The following SRI variants were observed in gnomAD, a reference collection of about 807,000 sequenced individuals.
SRI encodes the protein 22 kDa protein.
SRI carries 30 observed loss-of-function variants against 33.3 expected under a neutral mutation model. The observed-to-expected ratio is 0.90, with a 90% CI of 0.67 to 1.22. SRI has a LOEUF of 1.22. SRI is among the 50% of genes most tolerant of loss of function. The pLI is 0.00. For synonymous variants in SRI, 75 were observed against 89.9 expected, an observed-to-expected ratio of 0.83 and a Z score of 0.94; for missense variants, 243 against 250.8, an observed-to-expected ratio of 0.97 and a Z score of 0.21.
At chr7:88,208,597 T>C (rs768676437) in intron 6 of SRI, 32 bp from the exon 7 acceptor site, 9 of 1,612,762 alleles carry the variant, frequency 5.6e-6, no homozygotes, top group African/African-American at 1.3e-5. Context: ...TTTATGGTTT[T>C]TCTTTAAATG....
chr7:88,206,971 C>G (rs976325131), intron 7 of SRI, among the ~76,000 whole-genome samples: 3 of 152,124 alleles, frequency 2.0e-5, no homozygotes, highest in African/African-American at 7.2e-5. Context: ...CAAATTGTAG[C>G]ATGCAAGTGT....
At position 88,220,011 on chromosome 7, in the gene SRI, GC is replaced by G. The variant is rs891868394; in HGVS notation, c.15del (p.His6IlefsTer37). The G allele has an allele frequency of 1.2e-5, 18 of 1,534,364 alleles. No individual in the cohort carries two copies. The African/African-American group carries it at 2.2e-4, about 19-fold the overall frequency. MAYP[G>X]HPGAGGGYYP... ...TAGTACCCGCCGCCGGCGCCAGGAT[GC>G]CCCGGGTACGCCATGCTGCAGACTG... On this transcript the variant is annotated frameshift_variant, in exon 1 of 8. Transcript: ENST00000265729. LOFTEE classifies it high-confidence loss of function.
At chr7:88,206,984 G>A (rs189239897) in intron 7 of SRI, among the ~76,000 whole-genome samples, 1 of 152,168 alleles carries the variant, frequency 6.6e-6, no homozygotes, top group Non-Finnish European at 1.5e-5. Flanking sequence ...GCAAGTGTAT[G>A]TATGCACAGA....
rs1467418970 is a variant in SRI, at chr7:88,210,128, T to C, written c.252A>G (p.Arg84=). 1.2e-5 allele frequency: 20 copies of C among 1,613,972 alleles called. No homozygotes were observed. Among genetic ancestry groups the C allele is most frequent in the Non-Finnish European group, 1.6e-5 (19 of 1,180,000 alleles). Residue 84 remains arginine, a splice_region_variant and synonymous_variant, in exon 5 of 8, where the codon AGA becomes AGG. Coordinates refer to ENST00000265729, the MANE Select transcript of SRI (RefSeq NM_003130.4). ...TCRLMVSMLD[R]DMSGTMGFNE... The stretch of plus-strand genomic sequence containing the variant: ...TGAAACCCATTGTGCCAGACATATC[T>C]CTCTGAACTGTAATCAAGGATTAGA...
chr7:88,224,737 C>T (rs1406502767), upstream of SRI, among the ~76,000 whole-genome samples: 2 of 152,102 alleles, frequency 1.3e-5, no homozygotes, highest in African/African-American at 4.8e-5. Context: ...TAGAAAACTT[C>T]CACTATTGAT....
At chr7:88,219,091 A>G (rs1023063415) in intron 1 of SRI, 149 bp from the exon 2 acceptor site, 19 of 691,164 alleles carry the variant, frequency 2.7e-5, no homozygotes, top group Admixed American at 6.2e-5. Flanking sequence ...CTCTGCCAAC[A>G]CTCCACCCCT....
At chr7:88,219,394 ATC>A in intron 1 of SRI, 1 of 205,218 alleles carries the variant, frequency 4.9e-6, no homozygotes, top group Non-Finnish European at 1.0e-5. Context: ...GCCGGGCTGT[ATC>A]TCGTGGGTGG....
upstream of SRI, among the ~76,000 whole-genome samples, chr7:88,221,367 G>A (rs1313349834): frequency 6.6e-6 from 1 of 152,180 alleles, no homozygotes; most frequent in African/African-American, 2.4e-5. Flanking sequence ...CATGTTGCCT[G>A]TTTTGTGTTT....
At position 88,206,377 on chromosome 7, in the gene SRI, A is replaced by G. The variant is rs1037603052; in HGVS notation, c.*101T>C. ...AACTTTACAACAGCTGTTAAGAGAA[A>G]GTCGTGATGTAAGTTTATACATATT... On this transcript the variant is annotated 3_prime_UTR_variant, in exon 8 of 8. Coordinates refer to ENST00000265729, the MANE Select transcript of SRI (RefSeq NM_003130.4). The G allele has an allele frequency of 7.5e-7, 1 of 1,333,840 alleles. No homozygotes were observed. The highest frequency in any genetic ancestry group is 1.1e-6 in the Non-Finnish European group (1 of 924,894). 82.6% of individuals were successfully genotyped at this position (1,333,840 alleles called of 1,614,324 possible). A position where few individuals can be genotyped will look rare whatever the true frequency, so the allele number is the denominator to read the frequency against.
chr7:88,206,847 A>G (rs1851448583), intron 7 of SRI, among the ~76,000 whole-genome samples: 1 of 152,170 alleles, frequency 6.6e-6, no homozygotes. Flanking sequence ...AACACAAACA[A>G]CTGGAGTTTA....
chr7:88,210,281 A>G, intron 4 of SRI, 151 bp from the exon 5 acceptor site: 1 of 953,076 alleles, frequency 1.0e-6, no homozygotes, highest in Non-Finnish European at 1.6e-6. Context: ...ATTTAAAAAT[A>G]GAAAGGGGCT....
At chr7:88,220,206 C>T (rs1586722538), upstream of SRI, 10 of 1,313,566 alleles carry the variant, frequency 7.6e-6, no homozygotes, top group East Asian at 3.2e-4. Flanking sequence ...TGCCTGCGCG[C>T]TTCTTCGTAT....
At chr7:88,214,891 A>C (rs1375619606) in intron 3 of SRI, 1 of 1,105,174 alleles carries the variant, frequency 9.0e-7, no homozygotes, top group Admixed American at 2.3e-5. Flanking sequence ...CTAGAAGGAA[A>C]GCCCTACCTC....
upstream of SRI, among the ~76,000 whole-genome samples, chr7:88,224,642 T>G (rs368466072): frequency 2.6e-5 from 4 of 152,058 alleles, no homozygotes; most frequent in Non-Finnish European, 4.4e-5. Flanking sequence ...ATGATGTTCA[T>G]TTGGGAATAA....
chr7:88,217,082 C>T (rs752409162), intron 3 of SRI, 40 bp downstream of exon 3: 4 of 1,573,148 alleles, frequency 2.5e-6, no homozygotes, highest in East Asian at 4.5e-5. Flanking sequence ...ATAGGAAACA[C>T]AAGAGTATAT....
At chr7:88,221,424 T>C (rs1851885055), upstream of SRI, among the ~76,000 whole-genome samples, 1 of 152,216 alleles carries the variant, frequency 6.6e-6, no homozygotes, top group Non-Finnish European at 1.5e-5. Flanking sequence ...GTAGCAATCA[T>C]CAAGGTAGAT....
At chr7:88,209,604 G>T (rs1851521724) in intron 5 of SRI, 152 bp from the exon 6 acceptor site, 3 of 667,756 alleles carry the variant, frequency 4.5e-6, no homozygotes, top group Non-Finnish European at 7.9e-6. Context: ...CTGCCTTCAG[G>T]TAGCAATTAT....
chr7:88,218,953 G>A lies in SRI; in HGVS notation c.52-11C>T, dbSNP rs776543620. 35 of 1,611,588 alleles carry A rather than the reference G, an allele frequency of 2.2e-5. No homozygotes were observed. Among genetic ancestry groups the A allele is most frequent in the Middle Eastern group, 1.6e-4 (1 of 6,070 alleles). On this transcript the variant is annotated splice_polypyrimidine_tract_variant and intron_variant, in intron 1 of 7. Coordinates refer to ENST00000265729, the MANE Select transcript of SRI (RefSeq NM_003130.4). ...GGGAGCCCCTCCATACTGTGAAACAGGAAACACATACACGTCATTCTGCCG... is the reference window on the plus strand; with the variant it reads ...GGGAGCCCCTCCATACTGTGAAACAAGAAACACATACACGTCATTCTGCCG...
intron 6 of SRI, chr7:88,208,917 C>A: frequency 3.2e-6 from 1 of 311,428 alleles, no homozygotes; most frequent in Non-Finnish European, 6.1e-6. Flanking sequence ...AAAGATACTG[C>A]TTAAGAAACA....
Sources: allele counts gnomAD v4.1 joint callset (sites outside exome capture counted in the v4.1 genomes callset), GRCh38; gene constraint gnomAD v4.1.1; transcripts MANE v1.5; gene names NCBI Gene and HGNC (gene_info 2026-07-23, HGNC 2026-07-21).